Variants in AGGF1 observed in about 807,000 individuals in gnomAD.
AGGF1 encodes the protein angiogenic factor with G-patch and FHA domains 1, also known as angiogenic factor with G patch and FHA domains 1.
AGGF1 carries 56 observed loss-of-function variants against 86.5 expected under a neutral mutation model. That is an observed-to-expected ratio of 0.65 (90% CI 0.52 to 0.81). AGGF1 has a LOEUF of 0.81. Among genes scored for constraint, AGGF1 ranks in the 30% least tolerant of loss-of-function variants. AGGF1 has a pLI of 0.00. For missense variants in AGGF1, 816 were observed against 850.9 expected, an observed-to-expected ratio of 0.96 and a Z score of 0.51; for synonymous variants, 313 against 297.1, an observed-to-expected ratio of 1.05 and a Z score of -0.55.
intron 3 of AGGF1, chr5:77,036,172 AT>A: frequency 3.7e-6 from 1 of 268,978 alleles, no homozygotes; most frequent in South Asian, 4.4e-5. Context: ...GATATATCTC[AT>A]TTAATCTACA....
In AGGF1 at chr5:77,042,876, C is replaced by T. The variant is rs1161486729; in HGVS notation, c.870+3157C>T. 2.8e-3 allele frequency among the ~76,000 whole-genome samples: 163 copies of T among 58,688 alleles called. 16 individuals are homozygous for T. The highest frequency in any genetic ancestry group is 5.1e-3 in the Non-Finnish European group (120 of 23,616). The allele number at this position is 58,688 out of a possible 152,430, so 38.5% of individuals were successfully genotyped here. A position where few individuals can be genotyped will look rare whatever the true frequency, so the allele number is the denominator to read the frequency against. ...GGCGGGGGGCCGACACCCCCACCTC[C>T]CTCCCGGGCGGGGCGGCTGGCCGGG... On this transcript the variant is annotated intron_variant, in intron 5 of 13. Transcript: ENST00000312916.
Position 77,046,491 on chromosome 5 carries a change from G to T in AGGF1, c.1015G>T (p.Gly339Ter). ...SPPKVTVPTS[G>*]NTIESPLHEN... is the part of the protein sequence containing the mutation. The stretch of plus-strand genomic sequence containing the variant: ...CCCCAAAGTCACTGTTCCAACTAGT[G>T]GAAATACTATAGAGTCTCCTCTTCA... Residue 339 changes from glycine (G) to a stop codon, truncating the protein, a stop_gained, in exon 6 of 14, where the codon GGA becomes TGA. Coordinates refer to ENST00000312916, the MANE Select transcript of AGGF1 (RefSeq NM_018046.5). LOFTEE classifies it high-confidence loss of function. 6.2e-7 allele frequency: 1 copy of T among 1,613,988 alleles called. No individual in the cohort carries two copies. The highest frequency in any genetic ancestry group is 8.5e-7 in the Non-Finnish European group (1 of 1,179,972).
chr5:77,034,646 T>A, intron 2 of AGGF1, 126 bp downstream of exon 2: 1 of 715,874 alleles, frequency 1.4e-6, no homozygotes. Context: ...TGTTGACGTC[T>A]CTCCATATGA....
Position 77,063,661 on chromosome 5 carries a change from C to A in AGGF1, c.*409C>A, listed in dbSNP as rs962554718. The A allele has an allele frequency of 5.2e-6, 1 of 192,356 alleles. No homozygotes were observed. The highest frequency in any genetic ancestry group is 1.1e-5 in the Non-Finnish European group (1 of 92,952). The allele number at this position is 192,356 out of a possible 1,614,324, so 11.9% of individuals were successfully genotyped here. ...CAGAAGTTTATAAAAATAAATCTGA[C>A]TATATGCATCCTCATTTATTCCCTT... On this transcript the variant is annotated 3_prime_UTR_variant, in exon 14 of 14. Transcript: ENST00000312916.
Position 77,052,729 on chromosome 5 carries a change from C to G in AGGF1, c.1389C>G (p.Asp463Glu), listed in dbSNP as rs768256841. Residue 463 changes from aspartate to glutamate, a missense_variant, in exon 9 of 14, where the codon GAC becomes GAG. Asp to Glu is a conservative substitution (Grantham distance 45). Coordinates refer to ENST00000312916, the MANE Select transcript of AGGF1 (RefSeq NM_018046.5). Reference sequence around the variant, plus strand: ...AGTTTCATGCAGAAATTTATTTTGACCATGACTTACAAAGTTATGTCCTTG... The same window carrying G: ...AGTTTCATGCAGAAATTTATTTTGAGCATGACTTACAAAGTTATGTCCTTG... ...VSKFHAEIYF[D>E]HDLQSYVLVD... 63 of 1,613,172 alleles carry G rather than the reference C, an allele frequency of 3.9e-5. No individual in the cohort carries two copies. The highest frequency in any genetic ancestry group is 4.9e-5 in the Non-Finnish European group (58 of 1,179,582).
Position 77,061,210 on chromosome 5 carries a change from C to T in AGGF1, c.1845-493C>T, listed in dbSNP as rs548983574. ...ATCAGTAACCCCAGAAGCTTATTCT[C>T]CCTGTGCCCCACCTAATCACTGTCC... On this transcript the variant is annotated intron_variant, in intron 12 of 13. Coordinates refer to ENST00000312916, the MANE Select transcript of AGGF1 (RefSeq NM_018046.5). Among the ~76,000 whole-genome samples the T allele has an allele frequency of 4.6e-5, 7 of 152,298 alleles. No homozygotes were observed. The South Asian group carries it at 1.5e-3, about 32-fold the overall frequency.
rs147336239 is a variant in AGGF1 at position 77,031,250 on chromosome 5, C to T, written c.210+274C>T. 2.2e-4 allele frequency among the ~76,000 whole-genome samples: 34 copies of T among 152,302 alleles called. No homozygotes were observed. In the East Asian group the frequency reaches 4.1e-3, roughly 18 times the overall value. On this transcript the variant is annotated intron_variant, in intron 1 of 13. Coordinates refer to ENST00000312916, the MANE Select transcript of AGGF1 (RefSeq NM_018046.5). Reference sequence around the variant, plus strand: ...TTCATTCTCACTTGACCTAACATCCCATTGGCAGTAGGCGCATTTACTGTA... The same window carrying T: ...TTCATTCTCACTTGACCTAACATCCTATTGGCAGTAGGCGCATTTACTGTA...
intron 12 of AGGF1, among the ~76,000 whole-genome samples, chr5:77,059,948 T>G (rs1747525783): frequency 6.6e-6 from 1 of 152,182 alleles, no homozygotes; most frequent in Admixed American, 6.5e-5. Flanking sequence ...TTCAGGCGAT[T>G]CTCCTGCCTC....
Position 77,030,595 on chromosome 5 carries a change from C to A in AGGF1, c.-172C>A, listed in dbSNP as rs1377641053. ...TCCCCTTGCTCGTTGCTCGCAGCCCCGTTCGGCTACAAGTGAGTTTCAGGG... is the reference window on the plus strand; with the variant it reads ...TCCCCTTGCTCGTTGCTCGCAGCCCAGTTCGGCTACAAGTGAGTTTCAGGG... On this transcript the variant is annotated 5_prime_UTR_variant, in exon 1 of 14. Coordinates refer to ENST00000312916, the MANE Select transcript of AGGF1 (RefSeq NM_018046.5). 2.3e-5 allele frequency: 18 copies of A among 781,356 alleles called. No homozygotes were observed. The highest frequency in any genetic ancestry group is 3.5e-5 in the Non-Finnish European group (16 of 459,458). The allele number at this position is 781,356 out of a possible 1,614,324, so 48.4% of individuals were successfully genotyped here. A position where few individuals can be genotyped will look rare whatever the true frequency, so the allele number is the denominator to read the frequency against.
intron 8 of AGGF1, among the ~76,000 whole-genome samples, chr5:77,049,748 C>T (rs1747335843): frequency 6.6e-6 from 1 of 151,922 alleles, no homozygotes; most frequent in Admixed American, 6.6e-5. Flanking sequence ...TGCAGTTTCA[C>T]CTGGGTGTTC....
chr5:77,043,604 T>C (rs1747182132), intron 5 of AGGF1, among the ~76,000 whole-genome samples: 2 of 71,698 alleles, frequency 2.8e-5, no homozygotes, highest in African/African-American at 5.3e-5. Context: ...CCCCCCCGGA[T>C]GGCACGGCTG....
Position 77,064,478 on chromosome 5 carries a change from G to C in AGGF1, c.*1226G>C, listed in dbSNP as rs1008079292. ...AAAAAGCTACCTGTTAGAATTTCCA[G>C]TCTAAATGGCACAGGGTAGTTACGG... is the stretch of plus-strand genomic sequence containing the variant. On this transcript the variant is annotated 3_prime_UTR_variant, in exon 14 of 14. Transcript: ENST00000312916. The C allele has an allele frequency of 6.6e-6, 1 of 152,192 alleles. No homozygotes were observed. The highest frequency in any genetic ancestry group is 1.5e-5 in the Non-Finnish European group (1 of 68,028). 9.4% of individuals were successfully genotyped at this position (152,192 alleles called of 1,614,324 possible).
intron 5 of AGGF1, among the ~76,000 whole-genome samples, chr5:77,042,143 C>T (rs1162955558): frequency 1.2e-4 from 18 of 152,040 alleles, no homozygotes; most frequent in Non-Finnish European, 2.2e-4. Flanking sequence ...GGTCACAGAT[C>T]AACAGGATCC....
chr5:77,036,834 T>G (rs1746978661), intron 4 of AGGF1, 114 bp downstream of exon 4: 1 of 1,131,460 alleles, frequency 8.8e-7, no homozygotes, highest in Non-Finnish European at 1.3e-6. Flanking sequence ...ACCCCCCAGG[T>G]TCAAGTGATT....
rs1561286597 is a variant in AGGF1 at position 77,043,596 on chromosome 5, C to CA, written c.871-2751_871-2750insA. Among the ~76,000 whole-genome samples the CA allele has an allele frequency of 9.2e-4, 120 of 130,962 alleles. 3 individuals carry two copies. Among genetic ancestry groups the CA allele is most frequent in the Admixed American group, 1.5e-3 (21 of 13,580 alleles). 85.9% of individuals were successfully genotyped at this position (130,962 alleles called of 152,430 possible). On this transcript the variant is annotated intron_variant, in intron 5 of 13. Coordinates refer to ENST00000312916, the MANE Select transcript of AGGF1 (RefSeq NM_018046.5). ...GCCAGGCGGGGGGCTGACCCCCCCC[C>CA]CCCCGGATGGCACGGCTGGCCGGGC...
chr5:77,061,814 A>G lies in AGGF1; in HGVS notation c.1944+12A>G. 6.3e-7 allele frequency: 1 copy of G among 1,599,588 alleles called. No individual in the cohort carries two copies. Among genetic ancestry groups the G allele is most frequent in the Non-Finnish European group, 8.6e-7 (1 of 1,167,042 alleles). On this transcript the variant is annotated intron_variant, in intron 13 of 13. Transcript: ENST00000312916. ...GAATGAAAACGCCGGTAAGACTTGG[A>G]TTTTCTTTTATTCATTTATTCCTAG...
intron 4 of AGGF1, among the ~76,000 whole-genome samples, chr5:77,037,604 T>A (rs1371888771): frequency 2.6e-5 from 4 of 152,090 alleles, no homozygotes; most frequent in Non-Finnish European, 4.4e-5. Flanking sequence ...ACAGTGAGAC[T>A]CTTTCTATAA....
rs1435994088 is a variant in AGGF1, at chr5:77,030,771, C to T, written c.5C>T (p.Ala2Val). The T allele has an allele frequency of 5.1e-6, 8 of 1,573,214 alleles. No individual in the cohort carries two copies. The highest frequency in any genetic ancestry group is 2.3e-5 in the East Asian group (1 of 43,218). The change falls in exon 1 of 14, where the codon GCC (alanine) becomes GTC (valine). Residue 2 changes from alanine to valine, a missense_variant. By Grantham distance (64) the Ala-to-Val change is moderately conservative. Around this residue, in one of 3 missense-constraint regions of AGGF1, gnomAD observed 240 missense variants for 234.4 expected, o/e 1.02. Coordinates refer to ENST00000312916, the MANE Select transcript of AGGF1 (RefSeq NM_018046.5). Reference sequence around the variant, plus strand: ...AGCAGTCTCGCGCCGGAGCTCATGGCCTCGGAGGCGCCGTCCCCGCCGCGG... The same window carrying T: ...AGCAGTCTCGCGCCGGAGCTCATGGTCTCGGAGGCGCCGTCCCCGCCGCGG... M[A>V]SEAPSPPRSP...
At chr5:77,057,350 T>C (rs1289007599) in intron 11 of AGGF1, among the ~76,000 whole-genome samples, 1 of 152,148 alleles carries the variant, frequency 6.6e-6, no homozygotes, top group Non-Finnish European at 1.5e-5. Flanking sequence ...AAAACTCAAA[T>C]GTCTGTCATA....
Sources: gnomAD v4.1 joint callset for allele counts (sites outside exome capture counted in the v4.1 genomes callset) on GRCh38, gnomAD v4.1.1 for gene constraint, gnomAD v4.1.1 regional missense constraint, MANE v1.5 for transcripts, NCBI Gene and HGNC (gene_info 2026-07-23, HGNC 2026-07-21) for gene names.